Variants in DPP6 observed in about 807,000 individuals in gnomAD.
The protein encoded by DPP6 is dipeptidyl peptidase like 6.
In DPP6, 69 loss-of-function variants were observed where a neutral mutation model predicts 122.6. That is an observed-to-expected ratio of 0.56 (90% CI 0.46 to 0.69). The LOEUF (loss-of-function observed/expected upper bound fraction) is 0.69. Among genes scored for constraint, DPP6 ranks in the 30% least tolerant of loss-of-function variants. The pLI is 0.00. For missense variants in DPP6, 928 were observed against 1,116.9 expected, an observed-to-expected ratio of 0.83 and a Z score of 2.41; for synonymous variants, 418 against 433.1, an observed-to-expected ratio of 0.97 and a Z score of 0.43.
intron 7 of DPP6, among the ~76,000 whole-genome samples, chr7:154,682,797 A>G (rs1348657348): frequency 6.6e-6 from 1 of 152,200 alleles, no homozygotes; most frequent in African/African-American, 2.4e-5. Flanking sequence ...GGGTATTTGC[A>G]CAGCCCACGA....
At position 154,803,959 on chromosome 7, in the gene DPP6, A is replaced by G; in HGVS notation, c.1499+4A>G. ...ACGATGAGAAGGGGAATAAGATGTGAGTGAGAACCAGGGGCCTGCCCCATC... is the reference window on the plus strand; with the variant it reads ...ACGATGAGAAGGGGAATAAGATGTGGGTGAGAACCAGGGGCCTGCCCCATC... On this transcript the variant is annotated splice_donor_region_variant and intron_variant, in intron 14 of 25. Coordinates refer to ENST00000377770, the MANE Select transcript of DPP6 (RefSeq NM_130797.4). 6.2e-7 allele frequency: 1 copy of G among 1,613,160 alleles called. No homozygotes were observed. Among genetic ancestry groups the G allele is most frequent in the Non-Finnish European group, 8.5e-7 (1 of 1,179,562 alleles).
intron 3 of DPP6, among the ~76,000 whole-genome samples, chr7:154,485,387 C>G (rs962695346): frequency 6.6e-6 from 1 of 152,146 alleles, no homozygotes; most frequent in Non-Finnish European, 1.5e-5. Context: ...TTGTCATGCT[C>G]AAGGTCGCAC....
chr7:153,937,223 G>GCTTCCAGC (rs1309857734), intron 1 of DPP6, among the ~76,000 whole-genome samples: 1 of 152,158 alleles, frequency 6.6e-6, no homozygotes, highest in African/African-American at 2.4e-5. Context: ...TGGGCCTCCA[G>GCTTCCAGC]CTTCCAGCCT....
At chr7:154,715,042 A>ATTTTG (rs1281013266) in intron 7 of DPP6, among the ~76,000 whole-genome samples, 5 of 89,048 alleles carry the variant, frequency 5.6e-5, no homozygotes, top group Non-Finnish European at 1.2e-4. Flanking sequence ...TAACTATTTT[A>ATTTTG]TTTTATTTTA....
At chr7:154,181,130 A>G (rs1251350588) in intron 1 of DPP6, among the ~76,000 whole-genome samples, 1 of 152,216 alleles carries the variant, frequency 6.6e-6, no homozygotes, top group Admixed American at 6.5e-5. Flanking sequence ...CCATATTGAC[A>G]TGATCAACAG....
chr7:154,864,777 G>A (rs1262636784), intron 17 of DPP6, among the ~76,000 whole-genome samples: 1 of 152,202 alleles, frequency 6.6e-6, no homozygotes, highest in Non-Finnish European at 1.5e-5. Flanking sequence ...CAATAGAGAG[G>A]AACGAGGTAT....
intron 1 of DPP6, chr7:154,058,202 C>A (rs1381230491): frequency 2.8e-5 from 4 of 145,434 alleles, no homozygotes; most frequent in African/African-American, 5.0e-5. Context: ...GCGAACCTCC[C>A]CCTTTCCTCC....
At chr7:154,640,293 C>T (rs1002218164) in intron 6 of DPP6, among the ~76,000 whole-genome samples, 2 of 152,016 alleles carry the variant, frequency 1.3e-5, no homozygotes, top group Non-Finnish European at 2.9e-5. Flanking sequence ...TCAAAGGTCA[C>T]AATGCAGAGA....
chr7:154,472,490 T>G (rs1822366884), intron 2 of DPP6, among the ~76,000 whole-genome samples: 2 of 152,196 alleles, frequency 1.3e-5, no homozygotes, highest in Admixed American at 6.5e-5. Context: ...TTTAATAGTC[T>G]GCTTCCATAT....
chr7:154,481,811 C>G lies in DPP6; in HGVS notation c.457+6774C>G, dbSNP rs577088821. Among the ~76,000 whole-genome samples, 1 of 152,152 alleles carries G rather than the reference C, an allele frequency of 6.6e-6. No homozygotes were observed. Among genetic ancestry groups the G allele is most frequent in the Non-Finnish European group, 1.5e-5 (1 of 68,036 alleles). On this transcript the variant is annotated intron_variant, in intron 3 of 25. Coordinates refer to ENST00000377770, the MANE Select transcript of DPP6 (RefSeq NM_130797.4). The surrounding 1 kb of genome is among the most constrained non-coding windows in gnomAD (Gnocchi z 4.2). Reference sequence around the variant, plus strand: ...TAATTCTTGCTCTGCCCCACATTGACTCTTCTGGTTTTGGATTCTCCTATA... The same window carrying G: ...TAATTCTTGCTCTGCCCCACATTGAGTCTTCTGGTTTTGGATTCTCCTATA...
At chr7:154,285,615 A>G (rs532204788) in intron 1 of DPP6, among the ~76,000 whole-genome samples, 1 of 152,236 alleles carries the variant, frequency 6.6e-6, no homozygotes, top group Non-Finnish European at 1.5e-5. Context: ...TCACAGCCAT[A>G]GTAACTTCCT....
At chr7:154,218,989 AC>A (rs2150824544) in intron 1 of DPP6, among the ~76,000 whole-genome samples, 1 of 152,330 alleles carries the variant, frequency 6.6e-6, no homozygotes, top group Non-Finnish European at 1.5e-5. Context: ...ATATACACAC[AC>A]AGGTTTCCCA....
rs530021699 is a variant in DPP6 at position 154,294,060 on chromosome 7, G to A, written c.244-152154G>A. 5.9e-5 allele frequency among the ~76,000 whole-genome samples: 9 copies of A among 152,178 alleles called. No homozygotes were observed. The South Asian group carries it at 8.3e-4, about 14-fold the overall frequency. On this transcript the variant is annotated intron_variant, in intron 1 of 25. Transcript: ENST00000377770. ...ACTTTGGTGCACATAGCCAGTAAGC[G>A]AAAGGACCCGGGATTTGCAAACAAG... is the stretch of plus-strand genomic sequence containing the variant.
intron 19 of DPP6, among the ~76,000 whole-genome samples, chr7:154,873,910 GCA>G (rs983904142): frequency 7.0e-5 from 9 of 127,686 alleles, no homozygotes; most frequent in Non-Finnish European, 1.3e-4. Flanking sequence ...ACACACATAG[GCA>G]CACACACATG....
chr7:153,824,577 G>C, the DPP6 span, among the ~76,000 whole-genome samples: 3 of 151,756 alleles, frequency 2.0e-5, no homozygotes, highest in Non-Finnish European at 4.4e-5. Flanking sequence ...TCAGCCACTC[G>C]GGAGGCTAAG....
intron 1 of DPP6, among the ~76,000 whole-genome samples, chr7:154,351,358 C>T (rs1265802607): frequency 6.6e-6 from 1 of 152,184 alleles, no homozygotes; most frequent in Admixed American, 6.5e-5. Flanking sequence ...CTCTTCTCTT[C>T]TCCCAGGACC....
chr7:154,424,477 A>G (rs561048985), intron 1 of DPP6, among the ~76,000 whole-genome samples: 1 of 152,318 alleles, frequency 6.6e-6, no homozygotes, highest in Admixed American at 6.5e-5. Flanking sequence ...CTCCGCCTTC[A>G]GAGCCAGCAA....
intron 10 of DPP6, among the ~76,000 whole-genome samples, chr7:154,783,518 G>A (rs908747093): frequency 2.1e-4 from 32 of 152,162 alleles, no homozygotes; most frequent in African/African-American, 5.1e-4. Context: ...AGCCATTCCC[G>A]CAGCACAGGA....
chr7:154,008,658 CTTTTTTTTT>C (rs57634994), intron 1 of DPP6, among the ~76,000 whole-genome samples: 1 of 101,514 alleles, frequency 9.9e-6, no homozygotes, highest in Non-Finnish European at 2.0e-5. Flanking sequence ...TATTTCTTTT[CTTTTTTTTT>C]TTTTTTTTTT....
Sources: gnomAD v4.1 joint callset for allele counts (sites outside exome capture counted in the v4.1 genomes callset) on GRCh38, gnomAD v4.1.1 for gene constraint, Gnocchi (gnomAD v3.1) non-coding constraint, MANE v1.5 for transcripts, NCBI Gene and HGNC (gene_info 2026-07-23, HGNC 2026-07-21) for gene names.